The following SYCP2 variants were observed in gnomAD, a reference collection of about 807,000 sequenced individuals.
The protein encoded by SYCP2 is synaptonemal complex lateral element protein.
A neutral mutation model predicts 211.3 loss-of-function variants in SYCP2; 55 were observed. The observed-to-expected ratio is 0.26, with a 90% CI of 0.21 to 0.33. The LOEUF (loss-of-function observed/expected upper bound fraction) is 0.33. Among genes scored for constraint, SYCP2 ranks in the 10% least tolerant of loss-of-function variants. The pLI, the probability that SYCP2 is intolerant of heterozygous loss-of-function variation, is 1.00. For synonymous variants in SYCP2, 570 were observed against 555.2 expected (o/e 1.03, Z -0.37); for missense variants, 1,731 against 1,752.0 (o/e 0.99, Z 0.21).
In SYCP2 at chr20:59,920,445, C is replaced by A. The variant is rs368664449; in HGVS notation, c.211G>T (p.Val71Phe). ...EDIHNVSAIL[V>F]SVGRCGKNIS... ...TTTTTGCCACATCTTCCAACAGAAACCAAAATGGCTGAAACATTGTGGATA... is the reference window on the plus strand; with the variant it reads ...TTTTTGCCACATCTTCCAACAGAAAACAAAATGGCTGAAACATTGTGGATA... Residue 71 changes from valine (V) to phenylalanine (F), a missense_variant, in exon 5 of 45, where the codon GTT (valine) becomes TTT (phenylalanine). Coordinates refer to ENST00000357552, the MANE Select transcript of SYCP2 (RefSeq NM_014258.4). The A allele has an allele frequency of 5.0e-6, 8 of 1,608,592 alleles. No individual in the cohort carries two copies. Among genetic ancestry groups the A allele is most frequent in the Non-Finnish European group, 6.8e-6 (8 of 1,176,480 alleles).
chr20:59,904,274 G>A (rs375040595), intron 15 of SYCP2, among the ~76,000 whole-genome samples: 63 of 152,190 alleles, frequency 4.1e-4, no homozygotes, highest in Non-Finnish European at 7.1e-4. Context: ...TCAGTGTTCC[G>A]TTCAAAATAT....
Position 59,921,381 on chromosome 20 carries a change from C to G in SYCP2, c.97G>C (p.Asp33His). The change falls in exon 4 of 45, where the codon GAT (aspartate) becomes CAT (histidine). Residue 33 changes from aspartate to histidine, a missense_variant. Asp to His is a moderately conservative substitution (Grantham distance 81, BLOSUM62 -1). Around this residue, in one of 3 missense-constraint regions of SYCP2, gnomAD observed 335 missense variants for 378.8 expected, o/e 0.88. Coordinates refer to ENST00000357552, the MANE Select transcript of SYCP2 (RefSeq NM_014258.4). ...FKPLKTLLQI[D>H]ICEDVKIKCS... ...TTAATCTTCACATCTTCACAAATAT[C>G]AATTTGCAAAAGTGTTTTCAAAGGT... 6.2e-7 allele frequency: 1 copy of G among 1,607,100 alleles called. No individual in the cohort carries two copies. The highest frequency in any genetic ancestry group is 1.3e-5 in the African/African-American group (1 of 74,722).
chr20:59,922,801 G>GAAA (rs3834664), intron 2 of SYCP2, among the ~76,000 whole-genome samples: 1 of 140,252 alleles, frequency 7.1e-6, no homozygotes, highest in African/African-American at 2.6e-5. Context: ...TGAGAACAAG[G>GAAA]AAAAAAAAAA....
At chr20:59,926,149 A>C (rs745575909) in intron 2 of SYCP2, among the ~76,000 whole-genome samples, 1 of 152,092 alleles carries the variant, frequency 6.6e-6, no homozygotes, top group Non-Finnish European at 1.5e-5. Context: ...AATAAATTCC[A>C]TAAGGGATGG....
At chr20:59,892,805 T>A in intron 22 of SYCP2, 104 bp from the exon 23 acceptor site, 1 of 1,028,648 alleles carries the variant, frequency 9.7e-7, no homozygotes, top group Non-Finnish European at 1.4e-6. Flanking sequence ...ATTACTTATG[T>A]GAAAATTATG....
At chr20:59,910,897 A>C (rs983918195) in intron 14 of SYCP2, among the ~76,000 whole-genome samples, 5 of 152,008 alleles carry the variant, frequency 3.3e-5, no homozygotes, top group Non-Finnish European at 4.4e-5. Flanking sequence ...AAGCAGTGCT[A>C]GTCATTGGAA....
chr20:59,912,206 C>T (rs2060344803), intron 13 of SYCP2, 167 bp downstream of exon 13: 2 of 464,058 alleles, frequency 4.3e-6, no homozygotes, highest in South Asian at 5.2e-5. Context: ...TATGCTGTTC[C>T]ATAAAACTTC....
intron 35 of SYCP2, 26 bp downstream of exon 35, chr20:59,873,830 A>G (rs373130777): frequency 1.9e-6 from 3 of 1,552,828 alleles, no homozygotes; most frequent in East Asian, 2.3e-5. Context: ...TATCTGATAA[A>G]GAGAAAAATA....
rs1424164395 is a variant in SYCP2, at chr20:59,865,402, G to A, written c.4501C>T (p.Leu1501Phe). 1 of 1,609,002 alleles carries A rather than the reference G, an allele frequency of 6.2e-7. No homozygotes were observed. Among genetic ancestry groups the A allele is most frequent in the Non-Finnish European group, 8.5e-7 (1 of 1,177,560 alleles). ...AGTTGACTTACCATGTCCTTAAGAA[G>A]CCTGTCTTGCAGCACTTTCATATCT... The part of the protein sequence containing the change: ...KEDMKVLQDR[L>F]LKDMLEEELL... Residue 1501 changes from leucine (L) to phenylalanine (F), a missense_variant, in exon 44 of 45, where the codon CTT (leucine) becomes TTT (phenylalanine). Physicochemically the swap from Leu to Phe is conservative, Grantham distance 22. This residue lies in a region of SYCP2 where 1,387 missense variants were observed against 1,351.3 expected (regional missense o/e 1.03). Transcript: ENST00000357552.
Position 59,893,120 on chromosome 20 carries a change from TTGA to T in SYCP2, c.1793+19_1793+21del, listed in dbSNP as rs2059939745. The T allele has an allele frequency of 6.5e-7, 1 of 1,549,854 alleles. No individual in the cohort carries two copies. Among genetic ancestry groups the T allele is most frequent in the African/African-American group, 1.4e-5 (1 of 73,014 alleles). The stretch of plus-strand genomic sequence containing the variant: ...ACAGCATTAGTATAGACTAAATGAT[TTGA>T]TGGTTTTCTCATACTTACATAGTAT... On this transcript the variant is annotated intron_variant, in intron 22 of 44. Transcript: ENST00000357552.
At chr20:59,908,664 T>G (rs973373936) in intron 14 of SYCP2, among the ~76,000 whole-genome samples, 4 of 152,178 alleles carry the variant, frequency 2.6e-5, no homozygotes, top group African/African-American at 9.7e-5. Context: ...TTCAAACAGA[T>G]TTTTAATCAG....
At chr20:59,919,217 T>C (rs1478010597) in intron 6 of SYCP2, 35 bp from the exon 7 acceptor site, 7 of 1,019,648 alleles carry the variant, frequency 6.9e-6, no homozygotes, top group Admixed American at 2.2e-5. Context: ...ATTTACAAGT[T>C]ACTATATATT....
chr20:59,879,454 G>A (rs1012465715), intron 31 of SYCP2, among the ~76,000 whole-genome samples: 1 of 151,890 alleles, frequency 6.6e-6, no homozygotes, highest in Non-Finnish European at 1.5e-5. Context: ...TAAAATGAAA[G>A]CTGATGCCCT....
At chr20:59,916,000 AAAAT>A (rs2060433483) in intron 8 of SYCP2, among the ~76,000 whole-genome samples, 1 of 152,154 alleles carries the variant, frequency 6.6e-6, no homozygotes, top group South Asian at 2.1e-4. Context: ...CAAAAAAATA[AAAAT>A]AATAAAGTAT....
intron 35 of SYCP2, among the ~76,000 whole-genome samples, chr20:59,870,323 C>G (rs1048632211): frequency 1.3e-5 from 2 of 151,586 alleles, no homozygotes; most frequent in African/African-American, 4.8e-5. Context: ...TACAGAAAAG[C>G]CAAGAGAATC....
At chr20:59,900,600 T>C (rs1038571220) in intron 17 of SYCP2, 144 bp downstream of exon 17, 3 of 618,772 alleles carry the variant, frequency 4.8e-6, no homozygotes, top group Non-Finnish European at 8.4e-6. Context: ...TGTTTAAACA[T>C]CATATACATT....
At chr20:59,930,278 C>T (rs2060713131) in intron 2 of SYCP2, among the ~76,000 whole-genome samples, 1 of 152,046 alleles carries the variant, frequency 6.6e-6, no homozygotes, top group Admixed American at 6.6e-5. Context: ...AAAAAAAATG[C>T]TTAAAGAAGT....
intron 15 of SYCP2, among the ~76,000 whole-genome samples, chr20:59,902,038 A>G (rs988480210): frequency 6.6e-6 from 1 of 152,152 alleles, no homozygotes; most frequent in African/African-American, 2.4e-5. Flanking sequence ...GGATATGGCT[A>G]TAACTAATAA....
chr20:59,898,876 A>G (rs1172508166), intron 18 of SYCP2, among the ~76,000 whole-genome samples: 4 of 152,204 alleles, frequency 2.6e-5, no homozygotes, highest in African/African-American at 9.6e-5. Flanking sequence ...ATGGCATGCA[A>G]AGAGACAGTA....
Sources: allele counts gnomAD v4.1 joint callset (sites outside exome capture counted in the v4.1 genomes callset), GRCh38; gene constraint gnomAD v4.1.1; regional missense constraint gnomAD v4.1.1; transcripts MANE v1.5; gene names NCBI Gene and HGNC (gene_info 2026-07-23, HGNC 2026-07-21).